Variants in TGFA observed in about 807,000 individuals in gnomAD.
The protein encoded by TGFA is protransforming growth factor alpha.
A neutral mutation model predicts 21.7 loss-of-function variants in TGFA; 12 were observed. That is an observed-to-expected ratio of 0.55 (90% confidence interval 0.35 to 0.90). TGFA has a LOEUF of 0.90. Among genes scored for constraint, TGFA ranks in the 40% least tolerant of loss-of-function variants. TGFA has a pLI of 0.01. For synonymous variants in TGFA, 79 were observed against 88.1 expected (o/e 0.90, Z 0.58); for missense variants, 178 against 210.8 (o/e 0.84, Z 0.96).
chr2:70,490,568 G>T (rs780662388), intron 2 of TGFA, among the ~76,000 whole-genome samples: 2 of 152,206 alleles, frequency 1.3e-5, no homozygotes, highest in Non-Finnish European at 2.9e-5. Context: ...TAATGCAGTT[G>T]GACATCAATC....
rs537969588 is a variant in TGFA at position 70,476,386 on chromosome 2, G to T, written c.95-10650C>A. 2.6e-5 allele frequency among the ~76,000 whole-genome samples: 4 copies of T among 152,346 alleles called. No individual in the cohort carries two copies. In the South Asian group the frequency reaches 8.3e-4, roughly 32 times the overall value. On this transcript the variant is annotated intron_variant, in intron 2 of 5. Coordinates refer to ENST00000295400, the MANE Select transcript of TGFA (RefSeq NM_003236.4). ...GAGAATGTGAATGGCTCTGGGAACT[G>T]GAGCCCAGTCCTGCTGGATGGGGAA...
At chr2:70,467,052 T>C (rs1342751402) in intron 2 of TGFA, among the ~76,000 whole-genome samples, 1 of 151,280 alleles carries the variant, frequency 6.6e-6, no homozygotes, top group African/African-American at 2.4e-5. Context: ...GGGGAGGGTG[T>C]TGGGGGAGAA....
At chr2:70,468,498 G>A (rs1670639079) in intron 2 of TGFA, 1 of 152,246 alleles carries the variant, frequency 6.6e-6, no homozygotes, top group Admixed American at 6.5e-5. Context: ...TGTGCTCACT[G>A]AACTTGTCAA....
chr2:70,525,813 C>T (rs762673783), intron 1 of TGFA, among the ~76,000 whole-genome samples: 3 of 152,122 alleles, frequency 2.0e-5, no homozygotes, highest in South Asian at 4.1e-4. Flanking sequence ...ATCTGAGAAC[C>T]TGTGGTGGGA....
At position 70,521,402 on chromosome 2, in the gene TGFA, C is replaced by T. The variant is rs546832950; in HGVS notation, c.41-6490G>A. On this transcript the variant is annotated intron_variant, in intron 1 of 5. Coordinates refer to ENST00000295400, the MANE Select transcript of TGFA (RefSeq NM_003236.4). ...TGGGTTCATGCTACTAGGATCCTCACCCAACTTCTTATGGCTGCTGACTTT... is the reference window on the plus strand; with the variant it reads ...TGGGTTCATGCTACTAGGATCCTCATCCAACTTCTTATGGCTGCTGACTTT... 1.8e-4 allele frequency among the ~76,000 whole-genome samples: 28 copies of T among 152,280 alleles called. No individual in the cohort carries two copies. In the South Asian group the frequency reaches 5.6e-3, roughly 30 times the overall value.
At position 70,491,318 on chromosome 2, in the gene TGFA, G is replaced by C. The variant is rs534182969; in HGVS notation, c.94+23541C>G. ...TTGGGGCATGGCAACAATAAGGTGT[G>C]GGGAGGTTGGCCAGGACCAGTGGCT... is the stretch of plus-strand genomic sequence containing the variant. On this transcript the variant is annotated intron_variant, in intron 2 of 5. Transcript: ENST00000295400. Among the ~76,000 whole-genome samples the C allele has an allele frequency of 3.1e-4, 47 of 152,306 alleles. 1 individual carries two copies. In the South Asian group the frequency reaches 8.9e-3, roughly 29 times the overall value.
At chr2:70,534,780 C>G (rs894612503) in intron 1 of TGFA, among the ~76,000 whole-genome samples, 7 of 152,180 alleles carry the variant, frequency 4.6e-5, no homozygotes, top group Non-Finnish European at 1.0e-4. Context: ...TTACTCTCAT[C>G]ATGGTAAATA....
At chr2:70,519,428 A>G (rs1040129043) in intron 1 of TGFA, among the ~76,000 whole-genome samples, 21 of 152,242 alleles carry the variant, frequency 1.4e-4, no homozygotes, top group African/African-American at 4.8e-4. Flanking sequence ...CGTAGCAAAA[A>G]TCACTAAATT....
intron 2 of TGFA, among the ~76,000 whole-genome samples, chr2:70,470,044 A>C (rs1025883197): frequency 1.7e-4 from 26 of 151,872 alleles, no homozygotes; most frequent in Non-Finnish European, 3.7e-4. Flanking sequence ...TGGGAGAAAC[A>C]GCGAGAAGGA....
chr2:70,521,606 G>GTTTTTTTTTTTTTTT (rs1559133439), intron 1 of TGFA, among the ~76,000 whole-genome samples: 1 of 98,222 alleles, frequency 1.0e-5, no homozygotes, highest in Admixed American at 1.2e-4. Context: ...TTTTTTTGTT[G>GTTTTTTTTTTTTTTT]TTGTTTGTTT....
At chr2:70,478,439 T>A (rs1671003075) in intron 2 of TGFA, among the ~76,000 whole-genome samples, 1 of 152,056 alleles carries the variant, frequency 6.6e-6, no homozygotes, top group Non-Finnish European at 1.5e-5. Context: ...TGCCCTACAG[T>A]TCTCCAAATG....
intron 1 of TGFA, among the ~76,000 whole-genome samples, chr2:70,528,426 G>C (rs1040604631): frequency 6.6e-6 from 1 of 150,648 alleles, no homozygotes. Context: ...CATGTCAGAC[G>C]AGAGGAGGCC....
chr2:70,544,741 A>C (rs1673239692), intron 1 of TGFA, among the ~76,000 whole-genome samples: 1 of 152,214 alleles, frequency 6.6e-6, no homozygotes, highest in Non-Finnish European at 1.5e-5. Flanking sequence ...AATACTTAAG[A>C]ATTTAGCATA....
Position 70,450,768 on chromosome 2 carries a change from C to T in TGFA, c.*91G>A, listed in dbSNP as rs1163654391. On this transcript the variant is annotated 3_prime_UTR_variant, in exon 6 of 6. Coordinates refer to ENST00000295400, the MANE Select transcript of TGFA (RefSeq NM_003236.4). ...AGGCCAAGTAGGAAGGTCTGTGGCA[C>T]ACCCAGGCATCTCTGGCAGTGCTGT... 4 of 1,476,414 alleles carry T rather than the reference C, an allele frequency of 2.7e-6. No homozygotes were observed. The highest frequency in any genetic ancestry group is 3.7e-6 in the Non-Finnish European group (4 of 1,072,778). 91.5% of individuals were successfully genotyped at this position (1,476,414 alleles called of 1,614,324 possible).
At chr2:70,475,673 C>G (rs1234678786) in intron 2 of TGFA, among the ~76,000 whole-genome samples, 1 of 151,996 alleles carries the variant, frequency 6.6e-6, no homozygotes, top group Non-Finnish European at 1.5e-5. Context: ...CTAAGAGTCC[C>G]AAGGCAAATG....
chr2:70,520,514 CAA>C, intron 1 of TGFA, among the ~76,000 whole-genome samples: 1 of 139,726 alleles, frequency 7.2e-6, no homozygotes, highest in African/African-American at 2.6e-5. Context: ...ACTCCCACTC[CAA>C]AAAAAAAAAA....
chr2:70,516,323 C>G (rs1553501595), intron 1 of TGFA, among the ~76,000 whole-genome samples: 1 of 152,162 alleles, frequency 6.6e-6, no homozygotes, highest in African/African-American at 2.4e-5. Context: ...GTTCCTTGCC[C>G]CTTTTCACTT....
intron 2 of TGFA, among the ~76,000 whole-genome samples, chr2:70,470,018 G>A (rs1202488457): frequency 2.0e-5 from 3 of 152,046 alleles, no homozygotes; most frequent in Non-Finnish European, 4.4e-5. Context: ...CAATGCAAAC[G>A]AGAAACAAGT....
At chr2:70,463,111 C>T (rs985352369) in intron 3 of TGFA, among the ~76,000 whole-genome samples, 1 of 152,064 alleles carries the variant, frequency 6.6e-6, no homozygotes, top group Non-Finnish European at 1.5e-5. Flanking sequence ...TCCACCTCTG[C>T]CGGTTACTAG....
Sources: allele counts gnomAD v4.1 joint callset (sites outside exome capture counted in the v4.1 genomes callset), GRCh38; gene constraint gnomAD v4.1.1; transcripts MANE v1.5; gene names NCBI Gene and HGNC (gene_info 2026-07-23, HGNC 2026-07-21).